Variants in NHSL1 observed in about 807,000 individuals in gnomAD.
NHSL1 encodes the protein NHS like 1.
A neutral mutation model predicts 95.0 loss-of-function variants in NHSL1; 48 were observed. The observed-to-expected ratio is 0.51, with a 90% CI of 0.40 to 0.64. The LOEUF (loss-of-function observed/expected upper bound fraction) is 0.64. Ranked by LOEUF, NHSL1 falls within the 30% of genes least tolerant of loss-of-function variation. NHSL1 has a pLI of 0.00. For missense variants in NHSL1, 1,971 were observed against 2,077.7 expected (o/e 0.95, Z 1.00); for synonymous variants, 783 against 833.9 (o/e 0.94, Z 1.05).
intron 2 of NHSL1, among the ~76,000 whole-genome samples, chr6:138,488,899 T>C (rs1242501690): frequency 6.6e-6 from 1 of 152,150 alleles, no homozygotes; most frequent in African/African-American, 2.4e-5. Flanking sequence ...GGGTCTTGCT[T>C]TGCTTATCTA....
At chr6:138,653,743 T>G (rs1339733780) in intron 1 of NHSL1, among the ~76,000 whole-genome samples, 1 of 152,226 alleles carries the variant, frequency 6.6e-6, no homozygotes, top group East Asian at 1.9e-4. Flanking sequence ...CAGAGATATT[T>G]CACATCACCA....
At chr6:138,587,477 G>C (rs942153991) in intron 1 of NHSL1, among the ~76,000 whole-genome samples, 6 of 148,424 alleles carry the variant, frequency 4.0e-5, no homozygotes, top group African/African-American at 1.5e-4. Context: ...CAGCTACTCG[G>C]GAGGGCATCA....
intron 1 of NHSL1, among the ~76,000 whole-genome samples, chr6:138,589,680 G>A (rs1283203212): frequency 6.6e-6 from 1 of 152,118 alleles, no homozygotes; most frequent in East Asian, 1.9e-4. Context: ...CTCACAGTAG[G>A]AATGAATTGG....
At chr6:138,642,406 A>C (rs1258964130) in intron 1 of NHSL1, among the ~76,000 whole-genome samples, 1 of 152,170 alleles carries the variant, frequency 6.6e-6, no homozygotes, top group Non-Finnish European at 1.5e-5. Context: ...TAAAATGTTG[A>C]CTTAAGGCAG....
At chr6:138,558,367 C>T (rs753837868) in intron 1 of NHSL1, among the ~76,000 whole-genome samples, 15 of 151,402 alleles carry the variant, frequency 9.9e-5, no homozygotes, top group Admixed American at 5.9e-4. Context: ...CGTGATCCAC[C>T]TGCGTCAGCC....
chr6:138,617,794 C>T (rs749640777), intron 1 of NHSL1, among the ~76,000 whole-genome samples: 4 of 152,206 alleles, frequency 2.6e-5, no homozygotes, highest in Admixed American at 6.5e-5. Flanking sequence ...TCCCATGGAA[C>T]GATGTGTGTC....
At position 138,428,134 on chromosome 6, in the gene NHSL1, T is replaced by C. The variant is rs141959326; in HGVS notation, c.4085+1577A>G. On this transcript the variant is annotated intron_variant, in intron 7 of 7. Transcript: ENST00000343505. ...TAATTTGGACCCACAACAGTTGGGT[T>C]TCCTCACTGGAACCAAGTATCGAGT... Among the ~76,000 whole-genome samples, 3 of 152,344 alleles carry C rather than the reference T, an allele frequency of 2.0e-5. No homozygotes were observed. The East Asian group carries it at 5.8e-4, about 29-fold the overall frequency.
chr6:138,670,665 CAAA>C (rs370888768), intron 1 of NHSL1, among the ~76,000 whole-genome samples: 2 of 69,350 alleles, frequency 2.9e-5, no homozygotes, highest in Non-Finnish European at 5.7e-5. Context: ...GACTCCGTCT[CAAA>C]AAAAAAAAAA....
chr6:138,541,552 C>T (rs1380323408), intron 1 of NHSL1, among the ~76,000 whole-genome samples: 3 of 152,036 alleles, frequency 2.0e-5, no homozygotes, highest in Non-Finnish European at 4.4e-5. Flanking sequence ...AACAGAGTCC[C>T]CTTTGAAGAG....
At chr6:138,484,689 G>A (rs1779618724) in intron 2 of NHSL1, among the ~76,000 whole-genome samples, 1 of 152,066 alleles carries the variant, frequency 6.6e-6, no homozygotes, top group Non-Finnish European at 1.5e-5. Flanking sequence ...CGGCCATTTT[G>A]ATTAATATTC....
intron 7 of NHSL1, among the ~76,000 whole-genome samples, chr6:138,427,299 G>T (rs1361333920): frequency 6.6e-6 from 1 of 152,172 alleles, no homozygotes; most frequent in East Asian, 1.9e-4. Flanking sequence ...AATTAGCCGG[G>T]CATGGTGGCA....
upstream of NHSL1, among the ~76,000 whole-genome samples, chr6:138,576,708 C>T (rs982488549): frequency 1.3e-5 from 2 of 152,204 alleles, no homozygotes; most frequent in African/African-American, 4.8e-5. Flanking sequence ...CCAGCACCCC[C>T]CTCCTTCACC....
chr6:138,538,404 C>T (rs1031188766), intron 1 of NHSL1, among the ~76,000 whole-genome samples: 4 of 152,152 alleles, frequency 2.6e-5, no homozygotes, highest in Non-Finnish European at 5.9e-5. Context: ...AGAAAAGTTG[C>T]TACTCTCAGT....
intron 1 of NHSL1, among the ~76,000 whole-genome samples, chr6:138,646,454 A>G (rs891896903): frequency 6.6e-6 from 1 of 152,080 alleles, no homozygotes; most frequent in African/African-American, 2.4e-5. Flanking sequence ...TGCAGATTGC[A>G]CCACAGCACT....
chr6:138,669,587 C>G (rs1785338342), intron 1 of NHSL1, among the ~76,000 whole-genome samples: 1 of 152,184 alleles, frequency 6.6e-6, no homozygotes, highest in Non-Finnish European at 1.5e-5. Flanking sequence ...CCCTTCCCAT[C>G]CTGGCAGGAA....
intron 1 of NHSL1, among the ~76,000 whole-genome samples, chr6:138,567,238 C>T (rs1783654780): frequency 6.6e-6 from 1 of 152,042 alleles, no homozygotes; most frequent in South Asian, 2.1e-4. Context: ...AGCGATCCTC[C>T]CACCTCAGCC....
chr6:138,675,549 T>TTATG (rs1785437690), intron 1 of NHSL1, among the ~76,000 whole-genome samples: 1 of 151,896 alleles, frequency 6.6e-6, no homozygotes, highest in Admixed American at 6.6e-5. Context: ...ATTTATTTAT[T>TTATG]TTTGAGACAG....
chr6:138,427,051 A>G (rs1467189616), intron 7 of NHSL1, among the ~76,000 whole-genome samples: 2 of 152,168 alleles, frequency 1.3e-5, no homozygotes, highest in Non-Finnish European at 2.9e-5. Context: ...TGGCCTCACC[A>G]CTTACATGGT....
At chr6:138,525,460 C>T (rs765381455) in intron 1 of NHSL1, among the ~76,000 whole-genome samples, 3 of 151,130 alleles carry the variant, frequency 2.0e-5, no homozygotes, top group Non-Finnish European at 2.9e-5. Context: ...CCCAGGAAGT[C>T]GAGGATGTAG....
Sources: gnomAD v4.1 joint callset for allele counts (sites outside exome capture counted in the v4.1 genomes callset) on GRCh38, gnomAD v4.1.1 for gene constraint, MANE v1.5 for transcripts, NCBI Gene and HGNC (gene_info 2026-07-23, HGNC 2026-07-21) for gene names.